Variants in RYR3 observed in about 807,000 individuals in gnomAD.
The protein encoded by RYR3 is ryanodine receptor 3, also known as brain ryanodine receptor-calcium release channel.
A neutral mutation model predicts 584.3 loss-of-function variants in RYR3; 207 were observed. The ratio of observed to expected loss-of-function variants is 0.35; its 90% CI spans 0.32 to 0.40. The LOEUF (loss-of-function observed/expected upper bound fraction) is 0.40. RYR3 is among the 10% of genes least tolerant of loss of function. RYR3 has a pLI of 1.00. For synonymous variants in RYR3, 2,416 were observed against 2,248.5 expected (o/e 1.07, Z -2.11); for missense variants, 5,616 against 6,089.2 (o/e 0.92, Z 2.59).
rs191496749 is a variant in RYR3 at position 33,584,076 on chromosome 15, A to C, written c.1574-319A>C. On this transcript the variant is annotated intron_variant, in intron 14 of 103. Transcript: ENST00000634891. ...CTCAAAAAACAAACAAACAAACAAA[A>C]AAAACTTAAAAATTAGCTGGGCATG... Among the ~76,000 whole-genome samples the C allele has an allele frequency of 1.1e-3, 169 of 152,112 alleles. 1 individual carries two copies. Among genetic ancestry groups the C allele is most frequent in the South Asian group, 7.7e-3 (37 of 4,802 alleles).
chr15:33,812,110 A>G (rs892064544), intron 72 of RYR3, among the ~76,000 whole-genome samples: 1 of 152,188 alleles, frequency 6.6e-6, no homozygotes, highest in Non-Finnish European at 1.5e-5. Flanking sequence ...CACACTATGC[A>G]TAAATACAGA....
chr15:33,783,148 C>G (rs940030935), intron 65 of RYR3, among the ~76,000 whole-genome samples: 5 of 152,122 alleles, frequency 3.3e-5, no homozygotes, highest in African/African-American at 1.2e-4. Flanking sequence ...CAGAATCACC[C>G]GGGAGGCTTG....
chr15:33,593,328 C>A (rs149833895), intron 16 of RYR3, among the ~76,000 whole-genome samples: 1 of 152,086 alleles, frequency 6.6e-6, no homozygotes, highest in Admixed American at 6.6e-5. Context: ...CAAGTTTCAT[C>A]TGATCTCTCA....
Position 33,865,567 on chromosome 15 carries a change from ATG to A in RYR3, c.*345_*346del, listed in dbSNP as rs1420390381. The A allele has an allele frequency of 4.5e-6, 1 of 223,358 alleles. No homozygotes were observed. The highest frequency in any genetic ancestry group is 8.9e-6 in the Non-Finnish European group (1 of 112,244). The allele number at this position is 223,358 out of a possible 1,614,324, so 13.8% of individuals were successfully genotyped here. On this transcript the variant is annotated 3_prime_UTR_variant, in exon 104 of 104. Transcript: ENST00000634891. ...GGGCTAGAGAAGTATGAAATCTCGA[ATG>A]TGTAATACCTGAAAATTTAAACACT...
intron 94 of RYR3, chr15:33,849,670 T>G (rs558713520): frequency 5.3e-5 from 8 of 152,312 alleles, no homozygotes; most frequent in African/African-American, 1.9e-4. Context: ...GGTGACTGTG[T>G]TGAAACTCTT....
In RYR3 at chr15:33,473,443, A is replaced by T. The variant is rs1567315750; in HGVS notation, c.76A>T (p.Ile26Phe). 1.2e-6 allele frequency: 2 copies of T among 1,613,920 alleles called. No individual in the cohort carries two copies. Among genetic ancestry groups the T allele is most frequent in the South Asian group, 2.2e-5 (2 of 91,076 alleles). Reference sequence around the variant, plus strand: ...GGAGGATGAAGTGGTACTCCAGTGCATCGCCACCATTCATAAGGAGCAGAG... The same window carrying T: ...GGAGGATGAAGTGGTACTCCAGTGCTTCGCCACCATTCATAAGGAGCAGAG... ...RTEDEVVLQCIATIHKEQRKF... is the reference protein window; with the variant it reads ...RTEDEVVLQCFATIHKEQRKF... Residue 26 changes from isoleucine to phenylalanine, a missense_variant, in exon 2 of 104, where the codon ATC (isoleucine) becomes TTC (phenylalanine). By Grantham distance (21) the Ile-to-Phe change is conservative. This residue lies in a region of RYR3 where 1,284 missense variants were observed against 1,344.6 expected (regional missense o/e 0.95). Coordinates refer to ENST00000634891, the MANE Select transcript of RYR3 (RefSeq NM_001036.6).
intron 30 of RYR3, among the ~76,000 whole-genome samples, chr15:33,648,549 T>G (rs2062241836): frequency 6.6e-6 from 1 of 152,228 alleles, no homozygotes. Flanking sequence ...CATTTGGCCA[T>G]GAGATGAACT....
chr15:33,633,189 G>T, intron 24 of RYR3, 81 bp downstream of exon 24: 1 of 1,456,552 alleles, frequency 6.9e-7, no homozygotes, highest in Non-Finnish European at 9.4e-7. Context: ...GTGTGTGTTA[G>T]ATCAGAAGGA....
chr15:33,488,593 C>A (rs1384042951), intron 2 of RYR3, among the ~76,000 whole-genome samples: 2 of 152,080 alleles, frequency 1.3e-5, no homozygotes, highest in South Asian at 2.1e-4. Flanking sequence ...GTGGCTGATG[C>A]CTGTAATCCC....
chr15:33,384,467 TATAATA>T lies in RYR3; in HGVS notation c.51+73372_51+73377del, dbSNP rs1459886670. Among the ~76,000 whole-genome samples, 5 of 119,484 alleles carry T rather than the reference TATAATA, an allele frequency of 4.2e-5. No individual in the cohort carries two copies. The East Asian group carries it at 6.6e-4, about 16-fold the overall frequency. 78.4% of individuals were successfully genotyped at this position (119,484 alleles called of 152,430 possible). On this transcript the variant is annotated intron_variant, in intron 1 of 103. Transcript: ENST00000634891. Reference sequence around the variant, plus strand: ...AATTAATATAATTATAATATTATATTATAATATTATATTTTATATTATAATAATTAT... The same window carrying T: ...AATTAATATAATTATAATATTATATTTTATATTTTATATTATAATAATTAT...
chr15:33,449,613 T>A (rs1161396389), intron 1 of RYR3, among the ~76,000 whole-genome samples: 3 of 152,236 alleles, frequency 2.0e-5, no homozygotes, highest in Non-Finnish European at 4.4e-5. Flanking sequence ...TTTTAAAATG[T>A]AACAGTGTCG....
At chr15:33,375,112 A>G (rs2040626098) in intron 1 of RYR3, among the ~76,000 whole-genome samples, 1 of 152,176 alleles carries the variant, frequency 6.6e-6, no homozygotes, top group Admixed American at 6.5e-5. Flanking sequence ...TTTTTAAATT[A>G]TTGCTCTCTA....
chr15:33,429,736 A>G (rs537504534), intron 1 of RYR3, among the ~76,000 whole-genome samples: 2 of 152,370 alleles, frequency 1.3e-5, no homozygotes, highest in African/African-American at 4.8e-5. Context: ...TTAAGCACGT[A>G]TAAGAAAATC....
chr15:33,344,697 C>T (rs193296448), intron 1 of RYR3, among the ~76,000 whole-genome samples: 12 of 152,128 alleles, frequency 7.9e-5, no homozygotes, highest in African/African-American at 2.4e-4. Context: ...ATAACAGAAC[C>T]ATTGAGAAGA....
chr15:33,674,257 G>A (rs147959408), intron 38 of RYR3, among the ~76,000 whole-genome samples: 193 of 152,288 alleles, frequency 1.3e-3, no homozygotes, highest in African/African-American at 4.3e-3. Context: ...TGCAAAGTGA[G>A]ATAACTTAGT....
intron 60 of RYR3, among the ~76,000 whole-genome samples, chr15:33,766,142 G>T (rs1032783749): frequency 6.6e-6 from 1 of 151,962 alleles, no homozygotes; most frequent in Non-Finnish European, 1.5e-5. Flanking sequence ...AAATAGCTGG[G>T]CGTGGTGGCA....
intron 1 of RYR3, among the ~76,000 whole-genome samples, chr15:33,392,272 T>A (rs933617801): frequency 1.3e-5 from 2 of 151,186 alleles, no homozygotes; most frequent in African/African-American, 4.9e-5. Context: ...CATGCGTCAG[T>A]GTCTTAGGGT....
Position 33,336,411 on chromosome 15 carries a change from G to C in RYR3, c.51+25315G>C. Among the ~76,000 whole-genome samples, 2 of 93,644 alleles carry C rather than the reference G, an allele frequency of 2.1e-5. 1 individual carries two copies. Among genetic ancestry groups the C allele is most frequent in the Admixed American group, 2.2e-4 (2 of 8,976 alleles). The allele number at this position is 93,644 out of a possible 152,430, so 61.4% of individuals were successfully genotyped here. On this transcript the variant is annotated intron_variant, in intron 1 of 103. Transcript: ENST00000634891. Reference sequence around the variant, plus strand: ...ACTGCACTCCAGCCTGGGCGACAGAGCGAGACGAAAGAAAGAAAGAAAGAA... The same window carrying C: ...ACTGCACTCCAGCCTGGGCGACAGACCGAGACGAAAGAAAGAAAGAAAGAA...
Position 33,853,365 on chromosome 15 carries a change from AAC to A in RYR3, c.13672-188_13672-187del, listed in dbSNP as rs137964983. 5.7e-3 allele frequency among the ~76,000 whole-genome samples: 870 copies of A among 152,316 alleles called. 10 individuals carry two copies. The highest frequency in any genetic ancestry group is 0.02 in the African/African-American group (816 of 41,560). ...TCAAGATATCAGTATCAGCTTAAAA[AAC>A]AGTTATCATTTAATTGTCTTCATTG... is the stretch of plus-strand genomic sequence containing the variant. On this transcript the variant is annotated intron_variant, in intron 95 of 103. Coordinates refer to ENST00000634891, the MANE Select transcript of RYR3 (RefSeq NM_001036.6).
Sources: allele counts gnomAD v4.1 joint callset (sites outside exome capture counted in the v4.1 genomes callset), GRCh38; gene constraint gnomAD v4.1.1; regional missense constraint gnomAD v4.1.1; transcripts MANE v1.5; gene names NCBI Gene and HGNC (gene_info 2026-07-23, HGNC 2026-07-21).